MEIKIN: variants seen among roughly 807,000 people sequenced by gnomAD.
MEIKIN encodes meiosis-specific kinetochore protein.
intron 12 of MEIKIN, among the ~76,000 whole-genome samples, chr5:131,817,453 T>C (rs1281297420): frequency 6.7e-6 from 1 of 149,662 alleles, no homozygotes; most frequent in Non-Finnish European, 1.5e-5. Flanking sequence ...CTACTGAAAA[T>C]ACAAAAAAAA....
At chr5:131,832,289 G>A (rs1368452148) in intron 11 of MEIKIN, among the ~76,000 whole-genome samples, 1 of 152,124 alleles carries the variant, frequency 6.6e-6, no homozygotes, top group Admixed American at 6.5e-5. Context: ...AATCCAGCAG[G>A]GTAGTCAAAT....
At chr5:131,878,537 A>G (rs1262129539) in intron 9 of MEIKIN, among the ~76,000 whole-genome samples, 1 of 152,010 alleles carries the variant, frequency 6.6e-6, no homozygotes, top group Non-Finnish European at 1.5e-5. Flanking sequence ...ACTGCACTCC[A>G]CCCTGGATGA....
chr5:131,902,289 T>C (rs1395518089), intron 8 of MEIKIN, among the ~76,000 whole-genome samples: 1 of 152,024 alleles, frequency 6.6e-6, no homozygotes, highest in Non-Finnish European at 1.5e-5. Flanking sequence ...AAAAATTAGC[T>C]GGGTATGGTG....
intron 9 of MEIKIN, among the ~76,000 whole-genome samples, chr5:131,863,715 T>C (rs1303898227): frequency 6.6e-6 from 1 of 152,138 alleles, no homozygotes; most frequent in Non-Finnish European, 1.5e-5. Flanking sequence ...TCTCATCTTG[T>C]AGCTTCCATA....
chr5:131,909,885 A>G (rs1751304441), intron 8 of MEIKIN, among the ~76,000 whole-genome samples: 1 of 152,190 alleles, frequency 6.6e-6, no homozygotes, highest in Non-Finnish European at 1.5e-5. Context: ...ATCTTACCCC[A>G]GTTAAAATGG....
intron 4 of MEIKIN, among the ~76,000 whole-genome samples, chr5:131,937,851 C>G (rs144061746): frequency 4.9e-4 from 75 of 152,032 alleles, no homozygotes; most frequent in African/African-American, 1.8e-3. Flanking sequence ...AATGTTGTAA[C>G]TTGGTGTGGT....
chr5:131,848,288 A>G (rs1200508963), intron 11 of MEIKIN, among the ~76,000 whole-genome samples: 1 of 152,160 alleles, frequency 6.6e-6, no homozygotes, highest in Non-Finnish European at 1.5e-5. Context: ...ATGAAAAAAT[A>G]CTAATAAAAA....
At chr5:131,922,919 T>C (rs1751529373) in intron 5 of MEIKIN, among the ~76,000 whole-genome samples, 1 of 152,012 alleles carries the variant, frequency 6.6e-6, no homozygotes, top group South Asian at 2.1e-4. Context: ...TTGAGAAGAG[T>C]CTTGCTCTGT....
At chr5:131,935,957 C>T (rs565209268) in intron 4 of MEIKIN, among the ~76,000 whole-genome samples, 1 of 152,294 alleles carries the variant, frequency 6.6e-6, no homozygotes, top group East Asian at 1.9e-4. Flanking sequence ...AGTGTCCTGT[C>T]CCTGTCCTTG....
chr5:131,943,922 A>T (rs1378521070), intron 3 of MEIKIN, among the ~76,000 whole-genome samples: 1 of 152,134 alleles, frequency 6.6e-6, no homozygotes, highest in Non-Finnish European at 1.5e-5. Context: ...GTTCGAGACC[A>T]GCCTGGCCAA....
intron 8 of MEIKIN, among the ~76,000 whole-genome samples, chr5:131,898,118 C>T (rs577580928): frequency 1.3e-5 from 2 of 152,300 alleles, no homozygotes; most frequent in South Asian, 4.1e-4. Context: ...GATGTTGATG[C>T]TATTCCTTTC....
chr5:131,944,144 G>A (rs1344878579), intron 3 of MEIKIN, among the ~76,000 whole-genome samples: 1 of 149,058 alleles, frequency 6.7e-6, no homozygotes, highest in Non-Finnish European at 1.5e-5. Context: ...TGACTATGAA[G>A]TTTAATGTTA....
At chr5:131,882,130 T>C (rs944838327) in intron 8 of MEIKIN, among the ~76,000 whole-genome samples, 2 of 152,208 alleles carry the variant, frequency 1.3e-5, no homozygotes, top group Non-Finnish European at 2.9e-5. Flanking sequence ...TATCTGCCTG[T>C]AAAATATATT....
chr5:131,859,204 G>A (rs536307367), intron 9 of MEIKIN, among the ~76,000 whole-genome samples: 1 of 152,312 alleles, frequency 6.6e-6, no homozygotes, highest in East Asian at 1.9e-4. Context: ...ACTGGATAAA[G>A]AAAATGTGGT....
intron 8 of MEIKIN, among the ~76,000 whole-genome samples, chr5:131,885,322 G>T (rs1045585045): frequency 1.5e-5 from 2 of 136,516 alleles, no homozygotes; most frequent in Non-Finnish European, 3.1e-5. Context: ...ACCCCCAGCT[G>T]CAGGCCACTC....
At chr5:131,916,600 G>A (rs577117339) in intron 7 of MEIKIN, among the ~76,000 whole-genome samples, 1 of 152,292 alleles carries the variant, frequency 6.6e-6, no homozygotes, top group South Asian at 2.1e-4. Flanking sequence ...GAGCCAACTT[G>A]GATTTCAACT....
chr5:131,901,036 T>C (rs1026998291), intron 8 of MEIKIN, among the ~76,000 whole-genome samples: 10 of 152,190 alleles, frequency 6.6e-5, no homozygotes, highest in Admixed American at 3.9e-4. Context: ...GTCGAAGCAT[T>C]TGCAGGCATG....
intron 9 of MEIKIN, among the ~76,000 whole-genome samples, chr5:131,859,276 G>C (rs1445972427): frequency 6.6e-6 from 1 of 152,186 alleles, no homozygotes; most frequent in African/African-American, 2.4e-5. Context: ...GTATGCTTAA[G>C]TCTTTAATCC....
At chr5:131,861,826 T>C (rs1750290348) in intron 9 of MEIKIN, among the ~76,000 whole-genome samples, 1 of 152,230 alleles carries the variant, frequency 6.6e-6, no homozygotes, top group South Asian at 2.1e-4. Context: ...GTTTTATCTT[T>C]TTGATGTGCT....
Sources: allele counts gnomAD v4.1 joint callset (sites outside exome capture counted in the v4.1 genomes callset), GRCh38; gene constraint gnomAD v4.1.1; transcripts MANE v1.5; gene names NCBI Gene and HGNC (gene_info 2026-07-23, HGNC 2026-07-21).